WWOX: variants seen among roughly 807,000 people sequenced by gnomAD.
The protein encoded by WWOX is WW domain-containing oxidoreductase.
A neutral mutation model predicts 46.2 loss-of-function variants in WWOX; 69 were observed. The observed-to-expected ratio is 1.49, with a 90% CI of 1.23 to 1.82. WWOX has a LOEUF of 1.82. Among genes scored for constraint, WWOX ranks in the 40% most tolerant of loss-of-function variants. The pLI is 0.00. For missense variants in WWOX, 919 were observed against 542.6 expected (o/e 1.69, Z -6.89); for synonymous variants, 359 against 202.6 (o/e 1.77, Z -6.56).
intron 8 of WWOX, among the ~76,000 whole-genome samples, chr16:78,597,544 C>G (rs2045519648): frequency 6.6e-6 from 1 of 152,074 alleles, no homozygotes; most frequent in Non-Finnish European, 1.5e-5. Flanking sequence ...ATACTGGTGA[C>G]CTGTTTTAAG....
intron 8 of WWOX, among the ~76,000 whole-genome samples, chr16:79,096,593 A>G (rs2049079371): frequency 6.6e-6 from 1 of 151,966 alleles, no homozygotes; most frequent in South Asian, 2.1e-4. Flanking sequence ...TTCCTTCTCC[A>G]TCCCCAGCAG....
Position 78,113,632 on chromosome 16 carries a change from G to A in WWOX, c.231-1344G>A, listed in dbSNP as rs910625860. Among the ~76,000 whole-genome samples, 3 of 152,250 alleles carry A rather than the reference G, an allele frequency of 2.0e-5. No homozygotes were observed. The South Asian group carries it at 6.2e-4, about 32-fold the overall frequency. On this transcript the variant is annotated intron_variant, in intron 3 of 8. Coordinates refer to ENST00000566780, the MANE Select transcript of WWOX (RefSeq NM_016373.4). The stretch of plus-strand genomic sequence containing the variant: ...GTAAATGTTTAGCACCAGGTCTTCA[G>A]GGGGAAAAAAGCCACTGTTTGTTTC...
At chr16:78,537,598 C>T (rs1453403648) in intron 8 of WWOX, among the ~76,000 whole-genome samples, 1 of 152,032 alleles carries the variant, frequency 6.6e-6, no homozygotes, top group Non-Finnish European at 1.5e-5. Flanking sequence ...ACCAATTCAT[C>T]TGTGAAAAGT....
chr16:78,722,658 G>A (rs2048721416), intron 8 of WWOX, among the ~76,000 whole-genome samples: 1 of 148,880 alleles, frequency 6.7e-6, no homozygotes, highest in Admixed American at 6.7e-5. Flanking sequence ...GAAGAGGGAT[G>A]TAACTGGAGC....
chr16:78,677,156 G>A (rs1170861090), intron 8 of WWOX, among the ~76,000 whole-genome samples: 1 of 151,928 alleles, frequency 6.6e-6, no homozygotes, highest in African/African-American at 2.4e-5. Flanking sequence ...AGACCCCAAA[G>A]CTTGCTGTCC....
intron 1 of WWOX, among the ~76,000 whole-genome samples, chr16:78,100,906 T>G (rs2031732812): frequency 6.6e-6 from 1 of 152,200 alleles, no homozygotes; most frequent in Non-Finnish European, 1.5e-5. Flanking sequence ...CTCTCAACTT[T>G]GGGAGTCTCT....
At chr16:78,420,405 A>G (rs541646024) in intron 6 of WWOX, among the ~76,000 whole-genome samples, 6 of 152,326 alleles carry the variant, frequency 3.9e-5, no homozygotes, top group African/African-American at 1.4e-4. Flanking sequence ...AAAGCGTGGT[A>G]TATTCATATA....
chr16:78,713,699 C>T (rs561628168), intron 8 of WWOX, among the ~76,000 whole-genome samples: 5 of 152,232 alleles, frequency 3.3e-5, no homozygotes, highest in South Asian at 4.2e-4. Context: ...AAGGGGCCTC[C>T]GGAGAAGCCA....
chr16:78,829,437 C>G (rs1267323687), intron 8 of WWOX, among the ~76,000 whole-genome samples: 3 of 152,336 alleles, frequency 2.0e-5, no homozygotes, highest in Admixed American at 1.3e-4. Flanking sequence ...CAGTTTTACT[C>G]AGTCTACTGA....
chr16:78,274,540 C>T (rs944156172), intron 5 of WWOX, among the ~76,000 whole-genome samples: 1 of 152,098 alleles, frequency 6.6e-6, no homozygotes, highest in Non-Finnish European at 1.5e-5. Context: ...GTCAGTTTGC[C>T]CTTCATGATT....
intron 8 of WWOX, among the ~76,000 whole-genome samples, chr16:78,504,596 C>A (rs1183146313): frequency 1.3e-5 from 2 of 152,170 alleles, no homozygotes; most frequent in African/African-American, 4.8e-5. Flanking sequence ...CCAGTGTCTT[C>A]GTAATACTAT....
intron 8 of WWOX, among the ~76,000 whole-genome samples, chr16:78,618,633 C>G (rs1038257675): frequency 8.5e-5 from 13 of 152,280 alleles, no homozygotes; most frequent in Middle Eastern, 3.4e-3. Context: ...GTCTGGGACA[C>G]AGTACGCTCT....
chr16:78,327,620 C>G (rs1475995568), intron 5 of WWOX, among the ~76,000 whole-genome samples: 1 of 152,162 alleles, frequency 6.6e-6, no homozygotes, highest in African/African-American at 2.4e-5. Flanking sequence ...TGCCATGACA[C>G]AGAGATTCCA....
At position 78,394,639 on chromosome 16, in the gene WWOX, G is replaced by A. The variant is rs74028164; in HGVS notation, c.605+7691G>A. Among the ~76,000 whole-genome samples, 703 of 152,332 alleles carry A rather than the reference G, an allele frequency of 4.6e-3. 6 individuals are homozygous for A. The highest frequency in any genetic ancestry group is 0.016 in the African/African-American group (671 of 41,566). Reference sequence around the variant, plus strand: ...GGTAAACTTCTTGTAAGGGGCCAGAGAGTGAATATTTGAGAATTTTCAGAC... The same window carrying A: ...GGTAAACTTCTTGTAAGGGGCCAGAAAGTGAATATTTGAGAATTTTCAGAC... On this transcript the variant is annotated intron_variant, in intron 6 of 8. Transcript: ENST00000566780.
chr16:79,201,646 G>A lies in WWOX; in HGVS notation c.1057-9962G>A, dbSNP rs183125210. On this transcript the variant is annotated intron_variant, in intron 8 of 8. Coordinates refer to ENST00000566780, the MANE Select transcript of WWOX (RefSeq NM_016373.4). The stretch of plus-strand genomic sequence containing the variant: ...TTTCCAACCATTAAAAAGTTTATGC[G>A]CTGCTTGGTTTCCATGGATACCTGA... Among the ~76,000 whole-genome samples, 61 of 152,236 alleles carry A rather than the reference G, an allele frequency of 4.0e-4. 1 individual carries two copies. The East Asian group carries it at 0.01, about 26-fold the overall frequency.
chr16:78,399,498 C>T (rs1453900094), intron 6 of WWOX, among the ~76,000 whole-genome samples: 3 of 152,278 alleles, frequency 2.0e-5, no homozygotes, highest in African/African-American at 7.2e-5. Flanking sequence ...GGGACTGAGC[C>T]AGCTTGGCAT....
At chr16:79,211,341 G>GTAT (rs2150866200) in intron 8 of WWOX, among the ~76,000 whole-genome samples, 2 of 152,270 alleles carry the variant, frequency 1.3e-5, no homozygotes, top group East Asian at 3.9e-4. Context: ...ATTGATATGT[G>GTAT]TATTTATTTT....
rs963534879 is a variant in WWOX at position 78,949,401 on chromosome 16, C to T, written c.1057-262207C>T. Reference sequence around the variant, plus strand: ...TTCCACAGGGTGGGGCTCAACCAGCCCTCAGCTCATCTAGCATGTTTCCTC... The same window carrying T: ...TTCCACAGGGTGGGGCTCAACCAGCTCTCAGCTCATCTAGCATGTTTCCTC... On this transcript the variant is annotated intron_variant, in intron 8 of 8. Transcript: ENST00000566780. Among the ~76,000 whole-genome samples the T allele has an allele frequency of 3.3e-5, 5 of 152,252 alleles. No individual in the cohort carries two copies. The East Asian group carries it at 7.7e-4, about 24-fold the overall frequency.
At position 79,035,926 on chromosome 16, in the gene WWOX, G is replaced by C. The variant is rs112803258; in HGVS notation, c.1057-175682G>C. Among the ~76,000 whole-genome samples the C allele has an allele frequency of 4.9e-4, 74 of 152,306 alleles. 1 individual carries two copies. Among genetic ancestry groups the C allele is most frequent in the African/African-American group, 1.7e-3 (69 of 41,576 alleles). The stretch of plus-strand genomic sequence containing the variant: ...TCAGCTTCTTAAAGGAGCTGCCTCA[G>C]ACTGTCTCAAGATCTTAGAAGGCCA... On this transcript the variant is annotated intron_variant, in intron 8 of 8. Transcript: ENST00000566780.
Sources: allele counts gnomAD v4.1 joint callset (sites outside exome capture counted in the v4.1 genomes callset), GRCh38; gene constraint gnomAD v4.1.1; transcripts MANE v1.5; gene names NCBI Gene and HGNC (gene_info 2026-07-23, HGNC 2026-07-21).